The following TDRD1 variants were observed in gnomAD, a reference collection of about 807,000 sequenced individuals.
TDRD1 encodes tudor domain containing 1.
TDRD1 carries 37 observed loss-of-function variants against 140.6 expected under a neutral mutation model. That is an observed-to-expected ratio of 0.26 (90% confidence interval 0.20 to 0.35). TDRD1 has a LOEUF of 0.35. Ranked by LOEUF, TDRD1 falls within the 10% of genes least tolerant of loss-of-function variation. The probability of loss-of-function intolerance (pLI) is 1.00; values close to 1 mark genes in which losing one functional copy is unlikely to be tolerated. For synonymous variants in TDRD1, 506 were observed against 475.7 expected (o/e 1.06, Z -0.83); for missense variants, 1,243 against 1,393.0 (o/e 0.89, Z 1.71).
exon 20 of TDRD1, chr10:114,221,415 A>G (rs776957492): frequency 3.7e-6 from 6 of 1,613,234 alleles, no homozygotes; most frequent in Non-Finnish European, 5.1e-6. Context: ...AAACTATACA[A>G]GCAAATGTAT....
intron 2 of TDRD1, among the ~76,000 whole-genome samples, chr10:114,189,766 G>A (rs1327667377): frequency 6.6e-6 from 1 of 152,144 alleles, no homozygotes; most frequent in East Asian, 1.9e-4. Flanking sequence ...CCTAACACAT[G>A]AATTTTTGCT....
intron 11 of TDRD1, 108 bp from the exon 12 acceptor site, chr10:114,210,473 C>T: frequency 1.8e-6 from 2 of 1,099,358 alleles, no homozygotes; most frequent in South Asian, 4.1e-5. Context: ...CTTCCAGGAA[C>T]CTTGCAGTCA....
At chr10:114,226,067 G>A (rs1288304923) in exon 22 of TDRD1, 10 of 1,613,738 alleles carry the variant, frequency 6.2e-6, no homozygotes, top group Non-Finnish European at 8.5e-6. Context: ...TTTTGGTATC[G>A]TGCAGTTGTT....
At chr10:114,214,723 C>T (rs924960186) in intron 16 of TDRD1, among the ~76,000 whole-genome samples, 4 of 151,652 alleles carry the variant, frequency 2.6e-5, no homozygotes, top group African/African-American at 9.7e-5. Context: ...CCCATCATTA[C>T]CTCTTCTTTC....
At position 114,202,339 on chromosome 10, in the gene TDRD1, TTATTGAA is replaced by T. The variant is rs779595800; in HGVS notation, c.696+43_696+49del. On this transcript the variant is annotated intron_variant, in intron 6 of 25. Coordinates refer to ENST00000251864, the Ensembl canonical transcript of TDRD1. ...TCTTTAAATTTTGAATAACTCCTCT[TTATTGAA>T]TTAAGATGTAAGATAAATATTTTAG... is the stretch of plus-strand genomic sequence containing the variant. 102 of 1,345,034 alleles carry T rather than the reference TTATTGAA, an allele frequency of 7.6e-5. 1 individual carries two copies. The highest frequency in any genetic ancestry group is 4.8e-4 in the Middle Eastern group (2 of 4,164). 83.3% of individuals were successfully genotyped at this position (1,345,034 alleles called of 1,614,324 possible). A position where few individuals can be genotyped will look rare whatever the true frequency, so the allele number is the denominator to read the frequency against.
chr10:114,231,710 T>G (rs1564703754), exon 26 of TDRD1: 2 of 517,466 alleles, frequency 3.9e-6, no homozygotes. Context: ...AAATATTACG[T>G]AAAAAATTCA....
chr10:114,199,051 C>A, intron 3 of TDRD1, 122 bp from the exon 4 acceptor site: 1 of 1,122,506 alleles, frequency 8.9e-7, no homozygotes, highest in Non-Finnish European at 1.2e-6. Flanking sequence ...TTTAGTTTAC[C>A]TTAATAGGAG....
At chr10:114,220,716 C>T (rs368443899) in exon 19 of TDRD1, 2 of 1,613,574 alleles carry the variant, frequency 1.2e-6, no homozygotes, top group Non-Finnish European at 1.7e-6. Context: ...CTTGTTATCC[C>T]AGAATAATTA....
chr10:114,204,931 T>C, intron 10 of TDRD1, 38 bp downstream of exon 10: 1 of 1,505,126 alleles, frequency 6.6e-7, no homozygotes, highest in Non-Finnish European at 8.8e-7. Context: ...CTTAATAGGA[T>C]ATGTAGTTTC....
At chr10:114,221,331 G>T in intron 19 of TDRD1, 26 bp from the exon 20 acceptor site, 1 of 1,608,606 alleles carries the variant, frequency 6.2e-7, no homozygotes, top group South Asian at 1.1e-5. Context: ...TATTCCGTGT[G>T]AGACCTGTGT....
rs1239184856 is a variant in TDRD1, at chr10:114,203,142, G to T, written c.767G>T (p.Arg256Ile). ...GAGAGAATAATGTTTTCTGATTTGA[G>T]AAGTCTACAACTCAAGAAAACCATG... Residue 256 changes from arginine to isoleucine, a missense_variant, in exon 7 of 26, where the codon AGA (arginine) becomes ATA (isoleucine). Around this residue, in one of 5 missense-constraint regions of TDRD1, gnomAD observed 392 missense variants for 394.1 expected, o/e 0.99. Coordinates refer to ENST00000251864, the Ensembl canonical transcript of TDRD1. 5.0e-6 allele frequency: 8 copies of T among 1,613,614 alleles called. No individual in the cohort carries two copies. In the South Asian group the frequency reaches 5.5e-5, roughly 11 times the overall value.
chr10:114,175,404 A>G (rs1480158591), upstream of TDRD1, among the ~76,000 whole-genome samples: 1 of 152,208 alleles, frequency 6.6e-6, no homozygotes, highest in African/African-American at 2.4e-5. Flanking sequence ...AATATAAACC[A>G]AAGACATTAT....
At chr10:114,215,122 A>G (rs913656221) in intron 16 of TDRD1, among the ~76,000 whole-genome samples, 5 of 152,138 alleles carry the variant, frequency 3.3e-5, no homozygotes, top group African/African-American at 1.2e-4. Context: ...ACTTTCTAGA[A>G]ATGGAATTAC....
At chr10:114,178,618 G>A (rs552202000), upstream of TDRD1, among the ~76,000 whole-genome samples, 1 of 152,264 alleles carries the variant, frequency 6.6e-6, no homozygotes, top group South Asian at 2.1e-4. Flanking sequence ...AAGTCAAGGG[G>A]TCTGAAATGC....
At chr10:114,217,624 G>T (rs750552691) in exon 17 of TDRD1, 11 of 1,605,156 alleles carry the variant, frequency 6.9e-6, no homozygotes, top group Non-Finnish European at 8.5e-6. Flanking sequence ...TCAAGGCAGA[G>T]ATAGGACAAC....
chr10:114,222,631 T>C lies in TDRD1; in HGVS notation c.2935T>C (p.Tyr979His), dbSNP rs551817560. Residue 979 changes from tyrosine (Y) to histidine (H), a missense_variant, in exon 21 of 26, where the codon TAC (tyrosine) becomes CAC (histidine). Coordinates refer to ENST00000251864, the Ensembl canonical transcript of TDRD1. ...CATGTTGACAGCTGAATTATTAGAA[T>C]ACTGCAATGCTCCGAAAAGTCGACC... The C allele has an allele frequency of 3.3e-5, 54 of 1,613,426 alleles. 1 individual carries two copies. The South Asian group carries it at 4.9e-4, about 15-fold the overall frequency.
intron 23 of TDRD1, among the ~76,000 whole-genome samples, chr10:114,227,636 C>T (rs2036513053): frequency 6.6e-6 from 1 of 152,240 alleles, no homozygotes. Context: ...GAGATTCCAT[C>T]TTCCTGGTAC....
chr10:114,194,248 A>G (rs908580331), intron 3 of TDRD1, among the ~76,000 whole-genome samples: 6 of 152,196 alleles, frequency 3.9e-5, no homozygotes, highest in Non-Finnish European at 7.3e-5. Context: ...GTTTGCTGGA[A>G]GAGAAATTGT....
chr10:114,203,482 TAAAAG>T lies in TDRD1; in HGVS notation c.900_904del (p.Lys300AsnfsTer7), dbSNP rs1276320294. On this transcript the variant is annotated frameshift_variant, in exon 8 of 26. Transcript: ENST00000251864. LOFTEE classifies it high-confidence loss of function. ...TACATGAACCAACTCTCTGCCAGCT[TAAAAG>T]AAACATATGCAAATGTGCATGAAAA... 1 of 1,613,994 alleles carries T rather than the reference TAAAAG, an allele frequency of 6.2e-7. No individual in the cohort carries two copies. The highest frequency in any genetic ancestry group is 8.5e-7 in the Non-Finnish European group (1 of 1,179,930).
Sources: allele counts gnomAD v4.1 joint callset (sites outside exome capture counted in the v4.1 genomes callset), GRCh38; gene constraint gnomAD v4.1.1; regional missense constraint gnomAD v4.1.1; transcripts MANE v1.5; gene names NCBI Gene and HGNC (gene_info 2026-07-23, HGNC 2026-07-21).